The following NALF1 variants were observed in gnomAD, a reference collection of about 807,000 sequenced individuals.
NALF1 encodes NALCN channel auxiliary factor 1, also known as family with sequence similarity 155 member A.
NALF1 carries 3 observed loss-of-function variants against 48.4 expected under a neutral mutation model. That is an observed-to-expected ratio of 0.06 (90% CI 0.03 to 0.16). The LOEUF (loss-of-function observed/expected upper bound fraction) is 0.16, where lower values mean the gene tolerates loss of function less well. NALF1 is among the 10% of genes least tolerant of loss of function. NALF1 has a pLI of 1.00. For missense variants in NALF1, 526 were observed against 571.5 expected, an observed-to-expected ratio of 0.92 and a Z score of 0.81; for synonymous variants, 262 against 245.7, an observed-to-expected ratio of 1.07 and a Z score of -0.62.
At chr13:107,607,728 C>T (rs1879111713) in intron 1 of NALF1, among the ~76,000 whole-genome samples, 1 of 152,140 alleles carries the variant, frequency 6.6e-6, no homozygotes, top group African/African-American at 2.4e-5. Context: ...CACTTACTAG[C>T]TGTGTGACCC....
chr13:107,234,600 C>T (rs1480269558), intron 1 of NALF1, among the ~76,000 whole-genome samples: 3 of 152,064 alleles, frequency 2.0e-5, no homozygotes, highest in Admixed American at 1.3e-4. Flanking sequence ...AGAAGAACCT[C>T]CGAGATCATC....
At chr13:107,272,148 C>A (rs75813262) in intron 1 of NALF1, among the ~76,000 whole-genome samples, 2 of 150,318 alleles carry the variant, frequency 1.3e-5, no homozygotes, top group South Asian at 4.2e-4. Flanking sequence ...CACACTGGTA[C>A]GTATATAAAA....
chr13:107,749,363 T>C (rs1332318189), intron 1 of NALF1, among the ~76,000 whole-genome samples: 2 of 152,082 alleles, frequency 1.3e-5, no homozygotes, highest in East Asian at 3.9e-4. Context: ...ACTGTCTCCT[T>C]CCATGTGAAT....
At chr13:107,680,090 C>T (rs924874337) in intron 1 of NALF1, among the ~76,000 whole-genome samples, 1 of 152,086 alleles carries the variant, frequency 6.6e-6, no homozygotes, top group African/African-American at 2.4e-5. Flanking sequence ...TGCCCAGGTG[C>T]CCATGTGCCC....
intron 1 of NALF1, among the ~76,000 whole-genome samples, chr13:107,326,193 T>C (rs1882361832): frequency 6.6e-6 from 1 of 151,800 alleles, no homozygotes; most frequent in Non-Finnish European, 1.5e-5. Flanking sequence ...CTAAATAATA[T>C]AAAATCTGGA....
intron 1 of NALF1, among the ~76,000 whole-genome samples, chr13:107,600,442 G>A (rs928048336): frequency 6.7e-6 from 1 of 150,254 alleles, no homozygotes; most frequent in African/African-American, 2.5e-5. Context: ...CTATTATGTA[G>A]GTTAATGTCT....
intron 1 of NALF1, among the ~76,000 whole-genome samples, chr13:107,408,184 A>G (rs149648950): frequency 0.014 from 2,105 of 152,176 alleles, 22 homozygotes; most frequent in South Asian, 0.034. Flanking sequence ...AAAATAACGA[A>G]TAAGAACTAG....
intron 1 of NALF1, among the ~76,000 whole-genome samples, chr13:107,393,522 C>A (rs539242448): frequency 6.6e-6 from 1 of 152,284 alleles, no homozygotes; most frequent in African/African-American, 2.4e-5. Context: ...CTCTAGGAGT[C>A]CATTTCCTCA....
chr13:107,230,941 T>A (rs548730040), intron 1 of NALF1, among the ~76,000 whole-genome samples: 1 of 150,396 alleles, frequency 6.6e-6, no homozygotes, highest in South Asian at 2.1e-4. Flanking sequence ...ATGCCTATAA[T>A]CCCAGCTACT....
In NALF1 at chr13:107,210,689, T is replaced by C; in HGVS notation, c.982A>G (p.Ile328Val). 6.2e-7 allele frequency: 1 copy of C among 1,611,740 alleles called. No individual in the cohort carries two copies. Among genetic ancestry groups the C allele is most frequent in the Non-Finnish European group, 8.5e-7 (1 of 1,177,808 alleles). ...EVTQFNCRKT[I>V]PCKQYCLEVQ... is the part of the protein sequence containing the mutation. ...TCCAAACAGTATTGCTTGCAAGGAATTGTCTTTCTGCAGTTAAACTGTGTG... is the reference window on the plus strand; with the variant it reads ...TCCAAACAGTATTGCTTGCAAGGAACTGTCTTTCTGCAGTTAAACTGTGTG... The change falls in exon 2 of 3, where the codon ATT becomes GTT. Residue 328 changes from isoleucine (I) to valine (V), a missense_variant. Around this residue, in one of 2 missense-constraint regions of NALF1, gnomAD observed 153 missense variants for 215.9 expected, o/e 0.71. Transcript: ENST00000375915.
At chr13:107,176,709 A>T (rs900087556) in intron 2 of NALF1, among the ~76,000 whole-genome samples, 8 of 152,182 alleles carry the variant, frequency 5.3e-5, no homozygotes, top group Admixed American at 4.6e-4. Flanking sequence ...AGGTAAGAAA[A>T]TCTCAAATAA....
intron 1 of NALF1, among the ~76,000 whole-genome samples, chr13:107,631,227 G>T (rs1439975912): frequency 1.3e-5 from 2 of 152,020 alleles, no homozygotes; most frequent in African/African-American, 4.8e-5. Flanking sequence ...TATTTTTAAT[G>T]CATAAGTAAT....
intron 1 of NALF1, among the ~76,000 whole-genome samples, chr13:107,822,954 C>G (rs925767178): frequency 6.6e-6 from 1 of 152,112 alleles, no homozygotes; most frequent in African/African-American, 2.4e-5. Context: ...AGTTGGGTTT[C>G]AATAATGTGT....
At chr13:107,414,450 A>G (rs910779879) in intron 1 of NALF1, among the ~76,000 whole-genome samples, 7 of 150,572 alleles carry the variant, frequency 4.6e-5, no homozygotes, top group Non-Finnish European at 1.0e-4. Flanking sequence ...TTTTTCTTCT[A>G]TTATATTCGG....
chr13:107,829,345 A>G (rs1364229181), intron 1 of NALF1, among the ~76,000 whole-genome samples: 2 of 152,236 alleles, frequency 1.3e-5, no homozygotes, highest in African/African-American at 4.8e-5. Context: ...CTGATCACAT[A>G]TACCACAGAC....
At chr13:107,581,194 T>C (rs1878297339) in intron 1 of NALF1, among the ~76,000 whole-genome samples, 1 of 152,194 alleles carries the variant, frequency 6.6e-6, no homozygotes, top group Non-Finnish European at 1.5e-5. Flanking sequence ...AGACGGTATT[T>C]GTCAAAGGCT....
At chr13:107,569,557 G>A (rs1385067257) in intron 1 of NALF1, among the ~76,000 whole-genome samples, 1 of 152,022 alleles carries the variant, frequency 6.6e-6, no homozygotes, top group Non-Finnish European at 1.5e-5. Flanking sequence ...TAGTTCTGTA[G>A]ATCTATTTCT....
chr13:107,600,873 G>A (rs1004901170), intron 1 of NALF1, among the ~76,000 whole-genome samples: 2 of 152,188 alleles, frequency 1.3e-5, no homozygotes, highest in African/African-American at 4.8e-5. Context: ...GCAGGGACTT[G>A]AAGGATGATT....
chr13:107,782,908 T>C (rs1370503853), intron 1 of NALF1, among the ~76,000 whole-genome samples: 1 of 147,248 alleles, frequency 6.8e-6, no homozygotes, highest in East Asian at 2.1e-4. Context: ...AGCCGCCCCG[T>C]CCAGGAGGGA....
Sources: gnomAD v4.1 joint callset for allele counts (sites outside exome capture counted in the v4.1 genomes callset) on GRCh38, gnomAD v4.1.1 for gene constraint, gnomAD v4.1.1 regional missense constraint, MANE v1.5 for transcripts, NCBI Gene and HGNC (gene_info 2026-07-23, HGNC 2026-07-21) for gene names.